ADAMTSL1: variants seen among roughly 807,000 people sequenced by gnomAD.
ADAMTSL1 encodes ADAMTS-like protein 1.
A neutral mutation model predicts 201.8 loss-of-function variants in ADAMTSL1; 126 were observed. That is an observed-to-expected ratio of 0.62 (90% CI 0.54 to 0.72). The LOEUF is 0.72. Among genes scored for constraint, ADAMTSL1 ranks in the 30% least tolerant of loss-of-function variants. The probability of loss-of-function intolerance (pLI) is 0.00; values close to 1 mark genes in which losing one functional copy is unlikely to be tolerated. For missense variants in ADAMTSL1, 2,679 were observed against 2,277.8 expected (o/e 1.18, Z -3.59); for synonymous variants, 1,121 against 903.4 (o/e 1.24, Z -4.32).
At chr9:17,925,045 G>C (rs1442042088) in intron 1 of ADAMTSL1, among the ~76,000 whole-genome samples, 1 of 95,696 alleles carries the variant, frequency 1.0e-5, no homozygotes, top group Non-Finnish European at 2.2e-5. Flanking sequence ...GTGGGCGAAG[G>C]ACATGAACAG....
intron 2 of ADAMTSL1, among the ~76,000 whole-genome samples, chr9:18,357,229 T>C (rs1368584203): frequency 6.6e-6 from 1 of 152,144 alleles, no homozygotes. Flanking sequence ...AAATTGTAAG[T>C]AGGGCCACCC....
At chr9:18,263,873 G>A (rs941665440) in intron 2 of ADAMTSL1, among the ~76,000 whole-genome samples, 5 of 152,020 alleles carry the variant, frequency 3.3e-5, no homozygotes, top group Admixed American at 6.6e-5. Flanking sequence ...AAATTGAATC[G>A]GTGACTCCTT....
chr9:18,401,495 C>G (rs1258404592), intron 2 of ADAMTSL1, among the ~76,000 whole-genome samples: 2 of 152,200 alleles, frequency 1.3e-5, no homozygotes, highest in Non-Finnish European at 2.9e-5. Context: ...TGGGACCAAG[C>G]TGGGAGAGAG....
intron 2 of ADAMTSL1, among the ~76,000 whole-genome samples, chr9:18,252,624 T>G (rs993574507): frequency 6.6e-6 from 1 of 152,142 alleles, no homozygotes; most frequent in African/African-American, 2.4e-5. Flanking sequence ...CAAATGCAAT[T>G]TTTTTTCAAA....
rs760432146 is a variant in ADAMTSL1, at chr9:18,733,138, T to C, written c.2006+11473T>C. ...CCATCACCCCATCTGTCTCTCACAC[T>C]GTCCTGGGTACTGTGCTGTAACCGT... On this transcript the variant is annotated intron_variant, in intron 15 of 28. Coordinates refer to ENST00000380548, the MANE Select transcript of ADAMTSL1 (RefSeq NM_001040272.6). 1.1e-3 allele frequency among the ~76,000 whole-genome samples: 170 copies of C among 152,204 alleles called. 1 individual carries two copies. The highest frequency in any genetic ancestry group is 2.2e-3 in the Non-Finnish European group (149 of 68,034).
At chr9:18,127,128 G>A (rs1825763443) in intron 1 of ADAMTSL1, among the ~76,000 whole-genome samples, 2 of 152,180 alleles carry the variant, frequency 1.3e-5, no homozygotes, top group African/African-American at 4.8e-5. Flanking sequence ...GCACAGCTGT[G>A]AAGGTTTTGT....
At chr9:17,955,888 G>A (rs1360113139) in intron 1 of ADAMTSL1, among the ~76,000 whole-genome samples, 1 of 152,152 alleles carries the variant, frequency 6.6e-6, no homozygotes, top group African/African-American at 2.4e-5. Context: ...TATGTCTCCT[G>A]GGGATAAAGT....
chr9:18,757,141 C>G (rs139076925), intron 16 of ADAMTSL1, among the ~76,000 whole-genome samples: 234 of 152,302 alleles, frequency 1.5e-3, no homozygotes, highest in Non-Finnish European at 2.5e-3. Flanking sequence ...TGCTTTTCCT[C>G]TCTGGTCTGT....
At chr9:18,306,283 TCTC>T (rs748770543) in intron 2 of ADAMTSL1, among the ~76,000 whole-genome samples, 5 of 152,106 alleles carry the variant, frequency 3.3e-5, no homozygotes, top group Non-Finnish European at 7.4e-5. Flanking sequence ...GAATGCTTCT[TCTC>T]CTCCAAAGGA....
intron 2 of ADAMTSL1, among the ~76,000 whole-genome samples, chr9:18,445,072 T>G (rs1229652542): frequency 6.6e-6 from 1 of 152,240 alleles, no homozygotes; most frequent in Admixed American, 6.5e-5. Flanking sequence ...AAAGCTCAAG[T>G]TCTTAAACAC....
chr9:18,859,226 C>G (rs1827057466), intron 23 of ADAMTSL1, among the ~76,000 whole-genome samples: 1 of 152,198 alleles, frequency 6.6e-6, no homozygotes, highest in South Asian at 2.1e-4. Flanking sequence ...ATGTTTCCTT[C>G]TGGAGGCTCT....
At chr9:18,285,047 A>C (rs571398517) in intron 2 of ADAMTSL1, among the ~76,000 whole-genome samples, 1 of 152,194 alleles carries the variant, frequency 6.6e-6, no homozygotes, top group African/African-American at 2.4e-5. Flanking sequence ...TGATTTTCTT[A>C]GGGTAAATCC....
intron 2 of ADAMTSL1, among the ~76,000 whole-genome samples, chr9:18,346,582 T>G (rs752475751): frequency 1.4e-4 from 21 of 152,278 alleles, no homozygotes; most frequent in Middle Eastern, 6.8e-3. Flanking sequence ...TAGGAAATGA[T>G]AGCTACTGTT....
At chr9:18,279,976 G>A (rs1832723402) in intron 2 of ADAMTSL1, among the ~76,000 whole-genome samples, 1 of 152,040 alleles carries the variant, frequency 6.6e-6, no homozygotes, top group Admixed American at 6.5e-5. Flanking sequence ...TGCCTTTTGG[G>A]GCAATCTGGA....
chr9:18,865,928 T>G (rs1173907320), intron 23 of ADAMTSL1, among the ~76,000 whole-genome samples: 1 of 151,912 alleles, frequency 6.6e-6, no homozygotes, highest in Non-Finnish European at 1.5e-5. Flanking sequence ...TATACGTAGC[T>G]GGGAGGGAAA....
chr9:18,281,222 T>C (rs1832775044), intron 2 of ADAMTSL1, among the ~76,000 whole-genome samples: 1 of 152,152 alleles, frequency 6.6e-6, no homozygotes. Context: ...CAAATTAATA[T>C]AATAAACAAA....
At chr9:18,441,847 A>G (rs1231310154) in intron 2 of ADAMTSL1, among the ~76,000 whole-genome samples, 2 of 152,214 alleles carry the variant, frequency 1.3e-5, no homozygotes, top group Non-Finnish European at 2.9e-5. Flanking sequence ...TACCTGGAAC[A>G]AAAGGTCCTC....
intron 1 of ADAMTSL1, among the ~76,000 whole-genome samples, chr9:18,062,997 A>C (rs1288610070): frequency 6.6e-6 from 1 of 152,304 alleles, no homozygotes; most frequent in African/African-American, 2.4e-5. Flanking sequence ...AAACTGAAGT[A>C]ATACACAGTA....
At chr9:18,015,304 G>C (rs887285805) in intron 1 of ADAMTSL1, among the ~76,000 whole-genome samples, 2 of 152,052 alleles carry the variant, frequency 1.3e-5, no homozygotes, top group Non-Finnish European at 2.9e-5. Context: ...GCCTGAGGAA[G>C]TTTCTAAAGG....
Sources: gnomAD v4.1 joint callset for allele counts (sites outside exome capture counted in the v4.1 genomes callset) on GRCh38, gnomAD v4.1.1 for gene constraint, MANE v1.5 for transcripts, NCBI Gene and HGNC (gene_info 2026-07-23, HGNC 2026-07-21) for gene names.